Variants in ATXN7L1 observed in about 807,000 individuals in gnomAD.
ATXN7L1 encodes the protein ataxin-7-like protein 1.
Under a neutral mutation model 70.8 loss-of-function variants are expected in ATXN7L1, and 15 were observed. The ratio of observed to expected loss-of-function variants is 0.21; its 90% confidence interval spans 0.14 to 0.33. The LOEUF (loss-of-function observed/expected upper bound fraction) is 0.33, where lower values mean the gene tolerates loss of function less well. Ranked by LOEUF, ATXN7L1 falls within the 10% of genes least tolerant of loss-of-function variation. ATXN7L1 has a pLI of 1.00. For synonymous variants in ATXN7L1, 440 were observed against 445.1 expected, an observed-to-expected ratio of 0.99 and a Z score of 0.14; for missense variants, 975 against 1,097.1, an observed-to-expected ratio of 0.89 and a Z score of 1.57.
intron 3 of ATXN7L1, among the ~76,000 whole-genome samples, chr7:105,736,449 A>T (rs1797383936): frequency 6.6e-6 from 1 of 152,220 alleles, no homozygotes; most frequent in Non-Finnish European, 1.5e-5. Flanking sequence ...AGAACTTAAA[A>T]ATATGAGTGG....
intron 3 of ATXN7L1, among the ~76,000 whole-genome samples, chr7:105,746,702 T>C (rs1219143488): frequency 9.9e-5 from 15 of 152,224 alleles, no homozygotes; most frequent in African/African-American, 3.4e-4. Context: ...TCCCAGCCAC[T>C]GCTTGGCACA....
At chr7:105,650,212 C>T (rs1023887250) in intron 4 of ATXN7L1, among the ~76,000 whole-genome samples, 3 of 152,326 alleles carry the variant, frequency 2.0e-5, no homozygotes, top group Admixed American at 1.3e-4. Context: ...AACAGAGACA[C>T]AAAGTCCTAC....
intron 2 of ATXN7L1, among the ~76,000 whole-genome samples, chr7:105,869,428 T>C (rs1817925294): frequency 6.6e-6 from 1 of 152,146 alleles, no homozygotes; most frequent in African/African-American, 2.4e-5. Context: ...TTCCCATAAA[T>C]CTCCATGGCC....
intron 2 of ATXN7L1, among the ~76,000 whole-genome samples, chr7:105,792,161 T>C (rs1220643856): frequency 6.6e-6 from 1 of 152,188 alleles, no homozygotes; most frequent in African/African-American, 2.4e-5. Flanking sequence ...TTCGGCTCCT[T>C]AGAGACTGTG....
At chr7:105,788,387 G>A (rs1303844121) in intron 3 of ATXN7L1, 4 of 539,234 alleles carry the variant, frequency 7.4e-6, no homozygotes, top group Non-Finnish European at 1.3e-5. Flanking sequence ...CAAGTTGCAG[G>A]TTTTCTCTCA....
intron 4 of ATXN7L1, chr7:105,649,339 C>T (rs1799524349): frequency 3.1e-6 from 3 of 983,428 alleles, no homozygotes; most frequent in Non-Finnish European, 3.6e-6. Context: ...TGTCTCGGTC[C>T]TGGGAAAGAA....
intron 3 of ATXN7L1, among the ~76,000 whole-genome samples, chr7:105,771,072 C>A (rs1427807605): frequency 6.6e-6 from 1 of 151,896 alleles, no homozygotes; most frequent in Admixed American, 6.6e-5. Context: ...TGGTGGTGGG[C>A]ACCTGTAATC....
intron 2 of ATXN7L1, among the ~76,000 whole-genome samples, chr7:105,823,393 G>A (rs982201713): frequency 3.9e-5 from 6 of 152,270 alleles, no homozygotes; most frequent in Admixed American, 1.3e-4. Context: ...GGGTTCACAG[G>A]TGTCTGCACA....
At chr7:105,806,282 CATG>C (rs1807588522) in intron 2 of ATXN7L1, among the ~76,000 whole-genome samples, 1 of 152,068 alleles carries the variant, frequency 6.6e-6, no homozygotes, top group African/African-American at 2.4e-5. Flanking sequence ...AGTGGAGCTC[CATG>C]ATGGGATTAG....
chr7:105,762,495 C>T (rs1457104322), intron 3 of ATXN7L1, among the ~76,000 whole-genome samples: 1 of 152,138 alleles, frequency 6.6e-6, no homozygotes, highest in Non-Finnish European at 1.5e-5. Context: ...AGAGAAGGGG[C>T]CTGCACAACC....
chr7:105,766,071 T>C (rs1801210549), intron 3 of ATXN7L1, among the ~76,000 whole-genome samples: 1 of 151,700 alleles, frequency 6.6e-6, no homozygotes, highest in Non-Finnish European at 1.5e-5. Flanking sequence ...CCCTTTGGCA[T>C]AGGCAGGAGG....
intron 2 of ATXN7L1, among the ~76,000 whole-genome samples, chr7:105,827,612 G>A (rs927881906): frequency 2.0e-5 from 3 of 152,146 alleles, no homozygotes; most frequent in Admixed American, 6.5e-5. Flanking sequence ...TTCGGGTTCC[G>A]CAAGGCCGAC....
At chr7:105,751,502 G>A (rs958078115) in intron 3 of ATXN7L1, among the ~76,000 whole-genome samples, 1 of 152,058 alleles carries the variant, frequency 6.6e-6, no homozygotes, top group South Asian at 2.1e-4. Context: ...TGGGCATGGT[G>A]GTGCATGCCT....
intron 2 of ATXN7L1, among the ~76,000 whole-genome samples, chr7:105,842,083 A>C (rs942493765): frequency 1.3e-5 from 2 of 151,846 alleles, no homozygotes; most frequent in East Asian, 1.9e-4. Flanking sequence ...ACGTCAAGCC[A>C]CTCTGGGAAG....
At chr7:105,732,416 A>G (rs1796677327) in intron 3 of ATXN7L1, among the ~76,000 whole-genome samples, 1 of 152,188 alleles carries the variant, frequency 6.6e-6, no homozygotes, top group Admixed American at 6.5e-5. Context: ...AAATCTAAAT[A>G]AACCTAAGTA....
rs531245423 is a variant in ATXN7L1, at chr7:105,672,186, T to C, written c.356-6898A>G. 1.8e-4 allele frequency among the ~76,000 whole-genome samples: 28 copies of C among 152,138 alleles called. No homozygotes were observed. In the South Asian group the frequency reaches 5.8e-3, roughly 32 times the overall value. On this transcript the variant is annotated intron_variant, in intron 3 of 11. Transcript: ENST00000419735. ...TTGTAATCCCAGGTACTCGGGAGGC[T>C]GAGGCAGGAGAATCACTTGAACCCT...
chr7:105,708,965 TG>T (rs1308304176), intron 3 of ATXN7L1, among the ~76,000 whole-genome samples: 2 of 152,228 alleles, frequency 1.3e-5, no homozygotes, highest in African/African-American at 4.8e-5. Context: ...CAAACATCAA[TG>T]ACTCCAGTCT....
rs140955603 is a variant in ATXN7L1, at chr7:105,777,485, G to A, written c.355+11119C>T. Among the ~76,000 whole-genome samples, 1,445 of 152,244 alleles carry A rather than the reference G, an allele frequency of 9.5e-3. 40 individuals carry two copies. The East Asian group carries it at 0.1, about 11-fold the overall frequency. Reference sequence around the variant, plus strand: ...GAAACGCTTTCTTCTCTTGGCTTCCGTGTAGTCATTCTCTGCTGCTTTTTC... The same window carrying A: ...GAAACGCTTTCTTCTCTTGGCTTCCATGTAGTCATTCTCTGCTGCTTTTTC... On this transcript the variant is annotated intron_variant, in intron 3 of 11. Coordinates refer to ENST00000419735, the MANE Select transcript of ATXN7L1 (RefSeq NM_020725.2).
At chr7:105,853,818 G>A (rs1201264262) in intron 2 of ATXN7L1, among the ~76,000 whole-genome samples, 1 of 152,102 alleles carries the variant, frequency 6.6e-6, no homozygotes, top group Non-Finnish European at 1.5e-5. Flanking sequence ...GCTCTATATT[G>A]TGGCTTTAAC....
Sources: allele counts gnomAD v4.1 joint callset (sites outside exome capture counted in the v4.1 genomes callset), GRCh38; gene constraint gnomAD v4.1.1; transcripts MANE v1.5; gene names NCBI Gene and HGNC (gene_info 2026-07-23, HGNC 2026-07-21).